Variants in RPRD1A observed in about 807,000 individuals in gnomAD.
The protein encoded by RPRD1A is regulation of nuclear pre-mRNA domain-containing protein 1A.
A neutral mutation model predicts 37.8 loss-of-function variants in RPRD1A; 9 were observed. That is an observed-to-expected ratio of 0.24 (90% CI 0.14 to 0.42). The LOEUF is 0.42. RPRD1A is among the 10% of genes least tolerant of loss of function. RPRD1A has a pLI of 1.00. For missense variants in RPRD1A, 255 were observed against 371.0 expected (o/e 0.69, Z 2.57); for synonymous variants, 138 against 139.7 (o/e 0.99, Z 0.08).
At chr18:36,014,450 T>C (rs1910370301) in intron 6 of RPRD1A, among the ~76,000 whole-genome samples, 1 of 152,120 alleles carries the variant, frequency 6.6e-6, no homozygotes, top group African/African-American at 2.4e-5. Flanking sequence ...GATTTTAAAA[T>C]AGGCAAGGCT....
intron 1 of RPRD1A, among the ~76,000 whole-genome samples, chr18:36,059,159 CT>C (rs1047926445): frequency 2.1e-4 from 31 of 146,922 alleles, no homozygotes; most frequent in South Asian, 2.2e-4. Context: ...TTTTAAAAAT[CT>C]TTTTTTTTTT....
intron 6 of RPRD1A, among the ~76,000 whole-genome samples, chr18:36,009,024 G>A (rs189510613): frequency 0.01 from 1,523 of 152,132 alleles, 14 homozygotes; most frequent in South Asian, 0.035. Flanking sequence ...TAGATATTCA[G>A]GCATTTTCAG....
At chr18:36,055,743 A>T (rs1390815264) in intron 1 of RPRD1A, among the ~76,000 whole-genome samples, 2 of 152,210 alleles carry the variant, frequency 1.3e-5, no homozygotes, top group Non-Finnish European at 2.9e-5. Context: ...GAAAACTCTG[A>T]AACAGGGAAG....
rs552177484 is a variant in RPRD1A, at chr18:36,001,825, C to T, written c.790-8525G>A. ...CCCAACATTTCTCGTCCTTGTTATT[C>T]GACCTCTTTTTGACCACCTCCAGCA... On this transcript the variant is annotated intron_variant, in intron 6 of 6. Coordinates refer to ENST00000399022, the MANE Select transcript of RPRD1A (RefSeq NM_018170.5). 4.6e-5 allele frequency among the ~76,000 whole-genome samples: 7 copies of T among 152,272 alleles called. No individual in the cohort carries two copies. In the East Asian group the frequency reaches 9.7e-4, roughly 21 times the overall value.
chr18:36,047,236 T>A (rs562942312), intron 1 of RPRD1A, among the ~76,000 whole-genome samples: 1 of 151,218 alleles, frequency 6.6e-6, no homozygotes, highest in South Asian at 2.1e-4. Context: ...AATAAATAAA[T>A]AAAGCAAGAG....
chr18:36,014,572 C>G (rs1218566591), intron 6 of RPRD1A, among the ~76,000 whole-genome samples: 1 of 152,132 alleles, frequency 6.6e-6, no homozygotes, highest in African/African-American at 2.4e-5. Flanking sequence ...AACCCCGTCT[C>G]TACTAAAAAT....
rs58191121 is a variant in RPRD1A, at chr18:36,045,298, A to C, written c.152-11461T>G. Among the ~76,000 whole-genome samples the C allele has an allele frequency of 1.8e-3, 271 of 152,260 alleles. 3 individuals carry two copies. Among genetic ancestry groups the C allele is most frequent in the African/African-American group, 6.4e-3 (264 of 41,556 alleles). Reference sequence around the variant, plus strand: ...GCAAAAAAAACTAACTCAATTGACAAAGGGAAAAAATTACCCTGCTTTTCC... The same window carrying C: ...GCAAAAAAAACTAACTCAATTGACACAGGGAAAAAATTACCCTGCTTTTCC... On this transcript the variant is annotated intron_variant, in intron 1 of 6. Coordinates refer to ENST00000399022, the MANE Select transcript of RPRD1A (RefSeq NM_018170.5).
intron 6 of RPRD1A, among the ~76,000 whole-genome samples, chr18:35,993,959 C>T (rs1237190091): frequency 6.6e-6 from 1 of 152,162 alleles, no homozygotes; most frequent in Non-Finnish European, 1.5e-5. Context: ...ACTGAGAATA[C>T]TTGGGCCCTG....
intron 6 of RPRD1A, among the ~76,000 whole-genome samples, chr18:36,010,294 C>G (rs1910095146): frequency 2.0e-5 from 3 of 151,232 alleles, no homozygotes; most frequent in South Asian, 4.2e-4. Flanking sequence ...CACAGCAAGA[C>G]CTTGTCTCTA....
chr18:36,061,276 ACTG>A (rs2088905495), intron 1 of RPRD1A, among the ~76,000 whole-genome samples: 1 of 152,354 alleles, frequency 6.6e-6, no homozygotes, highest in South Asian at 2.1e-4. Flanking sequence ...GCAGGGATAA[ACTG>A]TTTTCCCTTT....
intron 6 of RPRD1A, among the ~76,000 whole-genome samples, chr18:36,020,163 G>A (rs1405832846): frequency 3.9e-5 from 6 of 152,110 alleles, no homozygotes; most frequent in African/African-American, 1.2e-4. Flanking sequence ...GATATGTTCC[G>A]GACTTTGCAG....
intron 1 of RPRD1A, among the ~76,000 whole-genome samples, chr18:36,038,002 T>C (rs1164516296): frequency 6.6e-6 from 1 of 152,156 alleles, no homozygotes; most frequent in Non-Finnish European, 1.5e-5. Flanking sequence ...AGATACGGTT[T>C]GGAATTGGAA....
chr18:36,006,299 C>G (rs1909745761), intron 6 of RPRD1A, among the ~76,000 whole-genome samples: 1 of 152,178 alleles, frequency 6.6e-6, no homozygotes, highest in South Asian at 2.1e-4. Context: ...CCACCTCAGC[C>G]TCCCAAGTAG....
At chr18:36,033,950 G>T in intron 1 of RPRD1A, 113 bp from the exon 2 acceptor site, 1 of 815,496 alleles carries the variant, frequency 1.2e-6, no homozygotes, top group Non-Finnish European at 1.8e-6. Context: ...TAACCTTTAT[G>T]TATCATTTCA....
chr18:36,022,441 G>A (rs892198422), intron 6 of RPRD1A, among the ~76,000 whole-genome samples: 1 of 152,170 alleles, frequency 6.6e-6, no homozygotes, highest in Non-Finnish European at 1.5e-5. Flanking sequence ...ATAAATGCCT[G>A]CCTTCAAAGC....
chr18:36,043,953 A>G (rs1351892826), intron 1 of RPRD1A, among the ~76,000 whole-genome samples: 1 of 152,242 alleles, frequency 6.6e-6, no homozygotes, highest in African/African-American at 2.4e-5. Flanking sequence ...CTGAGCAGAA[A>G]CTTTACTGAT....
Position 36,042,331 on chromosome 18 carries a change from T to C in RPRD1A, c.152-8494A>G, listed in dbSNP as rs116016136. On this transcript the variant is annotated intron_variant, in intron 1 of 6. Coordinates refer to ENST00000399022, the MANE Select transcript of RPRD1A (RefSeq NM_018170.5). ...TGCTTCACAACTAAACTAAGTTCCATTGAGAGCAATGACTGTCAAATCTAC... is the reference window on the plus strand; with the variant it reads ...TGCTTCACAACTAAACTAAGTTCCACTGAGAGCAATGACTGTCAAATCTAC... Among the ~76,000 whole-genome samples the C allele has an allele frequency of 1.3e-3, 204 of 152,310 alleles. 2 individuals carry two copies. The highest frequency in any genetic ancestry group is 4.7e-3 in the African/African-American group (196 of 41,564).
At chr18:36,065,362 A>C (rs1040199002) in intron 1 of RPRD1A, among the ~76,000 whole-genome samples, 2 of 152,216 alleles carry the variant, frequency 1.3e-5, no homozygotes, top group Non-Finnish European at 2.9e-5. Context: ...ACGTTGTTTC[A>C]TGCAGCTCTA....
chr18:36,044,221 G>A (rs1256366311), intron 1 of RPRD1A, among the ~76,000 whole-genome samples: 1 of 152,010 alleles, frequency 6.6e-6, no homozygotes, highest in Non-Finnish European at 1.5e-5. Context: ...AGGTGGAAAG[G>A]AAGGCAGACA....
Sources: allele counts gnomAD v4.1 joint callset (sites outside exome capture counted in the v4.1 genomes callset), GRCh38; gene constraint gnomAD v4.1.1; transcripts MANE v1.5; gene names NCBI Gene and HGNC (gene_info 2026-07-23, HGNC 2026-07-21).